ADIPOR2: variants seen among roughly 807,000 people sequenced by gnomAD.
The protein encoded by ADIPOR2 is adiponectin receptor protein 2.
Under a neutral mutation model 40.9 loss-of-function variants are expected in ADIPOR2, and 18 were observed. The observed-to-expected ratio is 0.44, with a 90% CI of 0.30 to 0.65. ADIPOR2 has a LOEUF of 0.65. Among genes scored for constraint, ADIPOR2 ranks in the 30% least tolerant of loss-of-function variants. The probability of loss-of-function intolerance (pLI) is 0.09; values close to 1 mark genes in which losing one functional copy is unlikely to be tolerated. For missense variants in ADIPOR2, 283 were observed against 479.2 expected, an observed-to-expected ratio of 0.59 and a Z score of 3.82; for synonymous variants, 165 against 166.4, an observed-to-expected ratio of 0.99 and a Z score of 0.06.
At chr12:1,757,036 A>G (rs993292234) in intron 2 of ADIPOR2, among the ~76,000 whole-genome samples, 2 of 152,204 alleles carry the variant, frequency 1.3e-5, no homozygotes, top group Non-Finnish European at 2.9e-5. Context: ...CTGTGTCACG[A>G]TTAGATTTTT....
chr12:1,771,079 A>G (rs1439348106), intron 2 of ADIPOR2, among the ~76,000 whole-genome samples: 1 of 152,150 alleles, frequency 6.6e-6, no homozygotes, highest in African/African-American at 2.4e-5. Context: ...ATCCCAACAC[A>G]CTGGAAGCTG....
intron 2 of ADIPOR2, among the ~76,000 whole-genome samples, chr12:1,755,375 C>T (rs1444357784): frequency 2.0e-5 from 3 of 152,184 alleles, no homozygotes; most frequent in African/African-American, 7.2e-5. Context: ...TGCGCCCGGC[C>T]TCTGCTGACT....
intron 2 of ADIPOR2, 57 bp downstream of exon 2, chr12:1,754,571 G>A: frequency 6.7e-7 from 1 of 1,498,298 alleles, no homozygotes; most frequent in Non-Finnish European, 8.9e-7. Context: ...AAGTGGCAGA[G>A]GGAGGATATG....
At chr12:1,767,845 A>G (rs1435337877) in intron 2 of ADIPOR2, among the ~76,000 whole-genome samples, 1 of 152,212 alleles carries the variant, frequency 6.6e-6, no homozygotes, top group Non-Finnish European at 1.5e-5. Context: ...TGATAAACAA[A>G]TATTTGTTTG....
At chr12:1,734,729 T>G (rs1361628665) in intron 1 of ADIPOR2, among the ~76,000 whole-genome samples, 1 of 152,170 alleles carries the variant, frequency 6.6e-6, no homozygotes, top group African/African-American at 2.4e-5. Flanking sequence ...GGTTTTTAGG[T>G]TTTTAGGTGT....
At chr12:1,760,959 A>G (rs895785956) in intron 2 of ADIPOR2, 9 of 152,180 alleles carry the variant, frequency 5.9e-5, no homozygotes, top group African/African-American at 2.2e-4. Context: ...TTCTGGTTAT[A>G]AGGTCACAGA....
At chr12:1,727,478 A>ATT (rs2094710203) in intron 1 of ADIPOR2, among the ~76,000 whole-genome samples, 1 of 152,156 alleles carries the variant, frequency 6.6e-6, no homozygotes, top group South Asian at 2.1e-4. Context: ...ATTATTATTT[A>ATT]AATATTCTTT....
chr12:1,755,417 T>C lies in ADIPOR2; in HGVS notation c.171+903T>C, dbSNP rs554698747. Among the ~76,000 whole-genome samples the C allele has an allele frequency of 6.9e-4, 105 of 152,320 alleles. 3 individuals carry two copies. In the Middle Eastern group the frequency reaches 0.02, roughly 30 times the overall value. ...AGCGTACTTAACCTGCTTTATCTTGTTGAAGGGAGAAGACGTGGTCTATGG... is the reference window on the plus strand; with the variant it reads ...AGCGTACTTAACCTGCTTTATCTTGCTGAAGGGAGAAGACGTGGTCTATGG... On this transcript the variant is annotated intron_variant, in intron 2 of 7. Transcript: ENST00000357103.
intron 1 of ADIPOR2, among the ~76,000 whole-genome samples, chr12:1,703,329 A>C (rs893534840): frequency 1.3e-5 from 2 of 152,218 alleles, no homozygotes; most frequent in Non-Finnish European, 2.9e-5. Context: ...TGCAATCTAT[A>C]TATGCATATA....
rs962391085 is a variant in ADIPOR2 at position 1,757,846 on chromosome 12, T to A, written c.171+3332T>A. The A allele has an allele frequency of 1.9e-5, 16 of 832,022 alleles. No individual in the cohort carries two copies. The Admixed American group carries it at 2.6e-4, about 13-fold the overall frequency. The allele number at this position is 832,022 out of a possible 1,614,324, so 51.5% of individuals were successfully genotyped here. ...GTAATCTTCTTTACTTCATCTCCTG[T>A]CAGGGCTTACTTAAGTCTGTTCCTT... On this transcript the variant is annotated intron_variant, in intron 2 of 7. Transcript: ENST00000357103.
chr12:1,785,792 A>C, intron 7 of ADIPOR2, 152 bp from the exon 8 acceptor site: 1 of 1,067,950 alleles, frequency 9.4e-7, no homozygotes, highest in Non-Finnish European at 1.4e-6. Flanking sequence ...TGGATGTTCC[A>C]GGATCTGTGG....
At chr12:1,700,233 T>C (rs992934574) in intron 1 of ADIPOR2, among the ~76,000 whole-genome samples, 2 of 152,204 alleles carry the variant, frequency 1.3e-5, no homozygotes, top group Admixed American at 6.5e-5. Flanking sequence ...TTTAGGCCTT[T>C]CTTTTGTATG....
At position 1,761,658 on chromosome 12, in the gene ADIPOR2, T is replaced by C. The variant is rs540822336; in HGVS notation, c.171+7144T>C. 1.9e-4 allele frequency among the ~76,000 whole-genome samples: 29 copies of C among 152,358 alleles called. No individual in the cohort carries two copies. The East Asian group carries it at 4.2e-3, about 22-fold the overall frequency. The stretch of plus-strand genomic sequence containing the variant: ...TCAGGATTTTAAGTATTAACCTCTT[T>C]GAGGAATTTGGAAATAGAAGCTAAA... On this transcript the variant is annotated intron_variant, in intron 2 of 7. Transcript: ENST00000357103.
At chr12:1,730,108 A>G (rs1227283040) in intron 1 of ADIPOR2, among the ~76,000 whole-genome samples, 4 of 152,128 alleles carry the variant, frequency 2.6e-5, no homozygotes, top group Non-Finnish European at 5.9e-5. Context: ...TGTGATTCTC[A>G]TTTACATTTC....
intron 1 of ADIPOR2, among the ~76,000 whole-genome samples, chr12:1,708,949 A>G (rs746615226): frequency 1.8e-4 from 28 of 151,988 alleles, no homozygotes; most frequent in Non-Finnish European, 3.7e-4. Context: ...CGAACTCTTG[A>G]CTTCAGGTGA....
At chr12:1,779,345 G>T (rs1304473455) in intron 4 of ADIPOR2, among the ~76,000 whole-genome samples, 2 of 152,196 alleles carry the variant, frequency 1.3e-5, no homozygotes, top group African/African-American at 2.4e-5. Context: ...CTGCAAAAAG[G>T]GATGAAGCAC....
chr12:1,739,984 C>T (rs1310444156), intron 1 of ADIPOR2, among the ~76,000 whole-genome samples: 2 of 152,092 alleles, frequency 1.3e-5, no homozygotes, highest in Non-Finnish European at 2.9e-5. Flanking sequence ...TGCCTGTAAT[C>T]CTAGCTACTC....
intron 1 of ADIPOR2, among the ~76,000 whole-genome samples, chr12:1,726,201 AT>A (rs1207288272): frequency 3.3e-5 from 5 of 150,300 alleles, no homozygotes; most frequent in East Asian, 2.0e-4. Context: ...TAGAGTTGGG[AT>A]TTTTTTTTTC....
At chr12:1,717,098 G>A (rs1442032890) in intron 1 of ADIPOR2, among the ~76,000 whole-genome samples, 1 of 152,186 alleles carries the variant, frequency 6.6e-6, no homozygotes, top group African/African-American at 2.4e-5. Flanking sequence ...GTTAAGTTGA[G>A]ATGAGTCAAC....
Sources: allele counts gnomAD v4.1 joint callset (sites outside exome capture counted in the v4.1 genomes callset), GRCh38; gene constraint gnomAD v4.1.1; transcripts MANE v1.5; gene names NCBI Gene and HGNC (gene_info 2026-07-23, HGNC 2026-07-21).